The following TENM3 variants were observed in gnomAD, a reference collection of about 807,000 sequenced individuals.
TENM3 encodes the protein teneurin-3.
A neutral mutation model predicts 255.1 loss-of-function variants in TENM3; 63 were observed. That is an observed-to-expected ratio of 0.25 (90% CI 0.20 to 0.30). The LOEUF is 0.30. Among genes scored for constraint, TENM3 ranks in the 10% least tolerant of loss-of-function variants. TENM3 has a pLI of 1.00. For synonymous variants in TENM3, 1,306 were observed against 1,322.3 expected, an observed-to-expected ratio of 0.99 and a Z score of 0.27; for missense variants, 2,929 against 3,461.1, an observed-to-expected ratio of 0.85 and a Z score of 3.86.
the TENM3 span, among the ~76,000 whole-genome samples, chr4:181,622,506 T>A: frequency 6.6e-6 from 1 of 152,046 alleles, no homozygotes; most frequent in South Asian, 2.1e-4. Flanking sequence ...TGAAACCCTG[T>A]CTCTAATAAA....
Position 182,324,037 on chromosome 4 carries a change from G to T in TENM3, c.17G>T (p.Arg6Leu). The T allele has an allele frequency of 6.2e-7, 1 of 1,613,800 alleles. No individual in the cohort carries two copies. The highest frequency in any genetic ancestry group is 8.5e-7 in the Non-Finnish European group (1 of 1,179,808). Residue 6 changes from arginine (R) to leucine (L), a missense_variant, in exon 2 of 28, where the codon CGC becomes CTC. By Grantham distance (102) the Arg-to-Leu change is moderately radical. Around this residue, in one of 6 missense-constraint regions of TENM3, gnomAD observed 283 missense variants for 256.9 expected, o/e 1.10. Coordinates refer to ENST00000511685, the MANE Select transcript of TENM3 (RefSeq NM_001080477.4). MDVKE[R>L]RPYCSLTKSR... ...GAATGAAGTATGGATGTGAAAGAAC[G>T]CAGGCCTTACTGCTCCCTGACCAAG... is the stretch of plus-strand genomic sequence containing the variant.
Position 182,768,016 on chromosome 4 carries a change from A to C in TENM3, c.4893-5456A>C, listed in dbSNP as rs192062155. ...GGGGAGGGCATTGCCGCCAGTATAT[A>C]CGTAACGACATATGCTGGTCTCGTG... On this transcript the variant is annotated intron_variant, in intron 22 of 27. Transcript: ENST00000511685. 1.8e-3 allele frequency among the ~76,000 whole-genome samples: 279 copies of C among 152,284 alleles called. 1 individual carries two copies. Among genetic ancestry groups the C allele is most frequent in the Admixed American group, 3.3e-3 (51 of 15,298 alleles).
chr4:181,484,229 T>C, the TENM3 span, among the ~76,000 whole-genome samples: 1 of 152,064 alleles, frequency 6.6e-6, no homozygotes, highest in East Asian at 1.9e-4. Context: ...AGCGGCCACA[T>C]TAACCATCAT....
the TENM3 span, among the ~76,000 whole-genome samples, chr4:181,942,048 C>G: frequency 6.6e-6 from 1 of 152,136 alleles, no homozygotes; most frequent in Admixed American, 6.5e-5. Context: ...CTTCCGGTGA[C>G]CTGCTTTCGG....
the TENM3 span, among the ~76,000 whole-genome samples, chr4:181,521,766 A>G: frequency 6.6e-6 from 1 of 151,982 alleles, no homozygotes; most frequent in African/African-American, 2.4e-5. Flanking sequence ...CATGTATGAA[A>G]TGGTCCATTC....
the TENM3 span, among the ~76,000 whole-genome samples, chr4:182,042,864 C>T: frequency 7.9e-6 from 1 of 127,078 alleles, no homozygotes. Flanking sequence ...CGATCCAAAA[C>T]AAGTTATCGT....
At chr4:181,989,510 T>A in the TENM3 span, among the ~76,000 whole-genome samples, 1 of 152,310 alleles carries the variant, frequency 6.6e-6, no homozygotes, top group African/African-American at 2.4e-5. Context: ...AAATTAACAA[T>A]TTTCAAAAGG....
chr4:181,677,755 G>A, the TENM3 span, among the ~76,000 whole-genome samples: 1 of 151,990 alleles, frequency 6.6e-6, no homozygotes, highest in African/African-American at 2.4e-5. Flanking sequence ...CATGTCTTTC[G>A]TGATCTGGCC....
At chr4:182,165,422 G>A (rs1751638748) in intron 1 of TENM3, among the ~76,000 whole-genome samples, 1 of 152,160 alleles carries the variant, frequency 6.6e-6, no homozygotes, top group South Asian at 2.1e-4. Flanking sequence ...TAAGCAAGCT[G>A]ACTTCTGATT....
chr4:181,653,642 G>T, the TENM3 span, among the ~76,000 whole-genome samples: 2 of 150,810 alleles, frequency 1.3e-5, no homozygotes, highest in South Asian at 4.2e-4. Context: ...CTCGTGATCT[G>T]CCCGCCTTGG....
chr4:182,480,770 C>G (rs1325961394), intron 3 of TENM3, among the ~76,000 whole-genome samples: 1 of 151,722 alleles, frequency 6.6e-6, no homozygotes, highest in Non-Finnish European at 1.5e-5. Context: ...TATTTTAACT[C>G]TGAATTTATG....
At chr4:181,988,044 G>C in the TENM3 span, among the ~76,000 whole-genome samples, 1 of 151,914 alleles carries the variant, frequency 6.6e-6, no homozygotes, top group Non-Finnish European at 1.5e-5. Context: ...AATGAGAGTT[G>C]AAAGAAATTA....
chr4:182,108,856 A>AT, the TENM3 span, among the ~76,000 whole-genome samples: 1 of 152,162 alleles, frequency 6.6e-6, no homozygotes, highest in Non-Finnish European at 1.5e-5. Context: ...TTTTTAGTCT[A>AT]TTTTTATATT....
the TENM3 span, among the ~76,000 whole-genome samples, chr4:181,656,972 C>T: frequency 3.2e-4 from 49 of 152,342 alleles, no homozygotes; most frequent in Non-Finnish European, 6.9e-4. Context: ...AGTCAAGGAA[C>T]CTGAAATCCC....
chr4:181,709,163 AATT>A, the TENM3 span, among the ~76,000 whole-genome samples: 19 of 152,286 alleles, frequency 1.2e-4, 1 homozygote, highest in African/African-American at 4.3e-4. Flanking sequence ...AATCAATCTA[AATT>A]ATTTATTCAA....
intron 3 of TENM3, among the ~76,000 whole-genome samples, chr4:182,586,246 G>C (rs1746012905): frequency 6.6e-6 from 1 of 152,162 alleles, no homozygotes; most frequent in Non-Finnish European, 1.5e-5. Flanking sequence ...AACACAGCAA[G>C]ACCCTCTCTC....
chr4:182,065,605 C>T, the TENM3 span, among the ~76,000 whole-genome samples: 1 of 152,214 alleles, frequency 6.6e-6, no homozygotes, highest in African/African-American at 2.4e-5. Flanking sequence ...AATCACCTCC[C>T]ACCCGGCCCC....
chr4:182,505,342 G>T (rs750292856), intron 3 of TENM3, among the ~76,000 whole-genome samples: 8 of 152,054 alleles, frequency 5.3e-5, no homozygotes, highest in Non-Finnish European at 1.2e-4. Flanking sequence ...AAAACTGCCA[G>T]ATAGCATTCC....
At chr4:181,717,670 C>T in the TENM3 span, among the ~76,000 whole-genome samples, 2 of 152,146 alleles carry the variant, frequency 1.3e-5, no homozygotes, top group Non-Finnish European at 2.9e-5. Context: ...CTAGAAATGT[C>T]CAGATTCTTC....
Sources: allele counts gnomAD v4.1 joint callset (sites outside exome capture counted in the v4.1 genomes callset), GRCh38; gene constraint gnomAD v4.1.1; regional missense constraint gnomAD v4.1.1; transcripts MANE v1.5; gene names NCBI Gene and HGNC (gene_info 2026-07-23, HGNC 2026-07-21).